The following TAFA2 variants were observed in gnomAD, a reference collection of about 807,000 sequenced individuals.
The protein encoded by TAFA2 is chemokine-like protein TAFA-2.
A neutral mutation model predicts 18.8 loss-of-function variants in TAFA2; 7 were observed. That is an observed-to-expected ratio of 0.37 (90% CI 0.21 to 0.70). The LOEUF (loss-of-function observed/expected upper bound fraction) is 0.70. Ranked by LOEUF, TAFA2 falls within the 30% of genes least tolerant of loss-of-function variation. The probability of loss-of-function intolerance (pLI) is 0.53; values close to 1 mark genes in which losing one functional copy is unlikely to be tolerated. For missense variants in TAFA2, 122 were observed against 158.1 expected, an observed-to-expected ratio of 0.77 and a Z score of 1.23; for synonymous variants, 60 against 54.2, an observed-to-expected ratio of 1.11 and a Z score of -0.47.
chr12:62,071,083 T>C (rs1407014072), intron 1 of TAFA2, among the ~76,000 whole-genome samples: 1 of 152,178 alleles, frequency 6.6e-6, no homozygotes, highest in Non-Finnish European at 1.5e-5. Context: ...CAGACACAGT[T>C]CTGAGTACTG....
chr12:61,719,247 G>A (rs1471784314), intron 4 of TAFA2, among the ~76,000 whole-genome samples: 1 of 152,126 alleles, frequency 6.6e-6, no homozygotes, highest in Non-Finnish European at 1.5e-5. Flanking sequence ...GTAAAGCTAA[G>A]GAAAGATCAC....
intron 4 of TAFA2, among the ~76,000 whole-genome samples, chr12:61,743,486 A>G (rs116159316): frequency 8.3e-4 from 126 of 152,188 alleles, no homozygotes; most frequent in African/African-American, 2.7e-3. Flanking sequence ...CCTGAGGTAA[A>G]TCTCCACAAA....
At chr12:61,979,904 T>C (rs1193707430) in intron 1 of TAFA2, among the ~76,000 whole-genome samples, 2 of 151,954 alleles carry the variant, frequency 1.3e-5, no homozygotes, top group Non-Finnish European at 2.9e-5. Flanking sequence ...ATAAGAAAAA[T>C]TAACCACCCT....
chr12:61,824,807 T>C (rs1332765038), intron 2 of TAFA2, among the ~76,000 whole-genome samples: 4 of 152,210 alleles, frequency 2.6e-5, no homozygotes, highest in Admixed American at 2.6e-4. Context: ...AAGACATGGT[T>C]ACTGCCCCAA....
At chr12:61,747,879 G>GA (rs34523019) in intron 4 of TAFA2, among the ~76,000 whole-genome samples, 81 of 145,692 alleles carry the variant, frequency 5.6e-4, no homozygotes, top group Admixed American at 1.5e-3. Context: ...TAATAAAAAA[G>GA]AAAAAAAAAA....
At chr12:62,223,773 T>G (rs2062774091) in intron 1 of TAFA2, among the ~76,000 whole-genome samples, 1 of 152,162 alleles carries the variant, frequency 6.6e-6, no homozygotes, top group South Asian at 2.1e-4. Flanking sequence ...ATAGATAAGT[T>G]GGACTTTATC....
Position 61,790,720 on chromosome 12 carries a change from C to T in TAFA2, c.107-35696G>A, listed in dbSNP as rs562447355. ...CAGATGAAAGCAACTGAGAAGTACA[C>T]GAATAATCTGATAGACATTTCTTGT... On this transcript the variant is annotated intron_variant, in intron 2 of 4. Coordinates refer to ENST00000416284, the MANE Select transcript of TAFA2 (RefSeq NM_178539.5). 3.3e-5 allele frequency among the ~76,000 whole-genome samples: 5 copies of T among 151,822 alleles called. No individual in the cohort carries two copies. The East Asian group carries it at 5.8e-4, about 18-fold the overall frequency.
Position 62,012,441 on chromosome 12 carries a change from G to A in TAFA2, c.-1-145015C>T, listed in dbSNP as rs146661727. Reference sequence around the variant, plus strand: ...AAAAAAAAAAAAAGACTGTTGATTTGTTTTAACCTCCGCAGATGCTTTGTG... The same window carrying A: ...AAAAAAAAAAAAAGACTGTTGATTTATTTTAACCTCCGCAGATGCTTTGTG... On this transcript the variant is annotated intron_variant, in intron 1 of 4. Transcript: ENST00000416284. 7.8e-3 allele frequency among the ~76,000 whole-genome samples: 1,126 copies of A among 145,132 alleles called. 10 individuals carry two copies. Among genetic ancestry groups the A allele is most frequent in the Non-Finnish European group, 0.013 (836 of 66,338 alleles).
Position 61,880,579 on chromosome 12 carries a change from C to T in TAFA2, c.-1-13153G>A, listed in dbSNP as rs192154756. The T allele has an allele frequency of 4.2e-3, 1,972 of 465,684 alleles. 11 individuals carry two copies. Among genetic ancestry groups the T allele is most frequent in the Non-Finnish European group, 6.3e-3 (1,458 of 233,224 alleles). The allele number at this position is 465,684 out of a possible 1,614,324, so 28.8% of individuals were successfully genotyped here. A position where few individuals can be genotyped will look rare whatever the true frequency, so the allele number is the denominator to read the frequency against. On this transcript the variant is annotated intron_variant, in intron 1 of 4. Coordinates refer to ENST00000416284, the MANE Select transcript of TAFA2 (RefSeq NM_178539.5). ...TCTACTCAAAGACCACCAGTGGCTA[C>T]GCAGGAGGGCTGAGCTCGGCCTATG...
chr12:61,852,829 T>C (rs1873730517), intron 2 of TAFA2, among the ~76,000 whole-genome samples: 1 of 152,116 alleles, frequency 6.6e-6, no homozygotes, highest in South Asian at 2.1e-4. Flanking sequence ...TGTAGAAAGA[T>C]ATTGTTAAAT....
chr12:62,214,993 A>G (rs1206102649), intron 1 of TAFA2, among the ~76,000 whole-genome samples: 1 of 152,184 alleles, frequency 6.6e-6, no homozygotes, highest in Non-Finnish European at 1.5e-5. Context: ...ACATCCCTGC[A>G]CCAATTCTGA....
intron 2 of TAFA2, among the ~76,000 whole-genome samples, chr12:61,801,567 T>C (rs945627328): frequency 4.6e-5 from 7 of 151,912 alleles, no homozygotes; most frequent in African/African-American, 1.7e-4. Context: ...TGCAGAAAAA[T>C]GAAACCAAAC....
intron 1 of TAFA2, among the ~76,000 whole-genome samples, chr12:62,205,034 G>A (rs1454721760): frequency 1.3e-5 from 2 of 152,184 alleles, no homozygotes; most frequent in African/African-American, 4.8e-5. Context: ...TGATGCTGTG[G>A]TTGTTGTTGT....
At chr12:62,026,328 T>C (rs911746198) in intron 1 of TAFA2, among the ~76,000 whole-genome samples, 1 of 152,096 alleles carries the variant, frequency 6.6e-6, no homozygotes, top group African/African-American at 2.4e-5. Context: ...ATAAGTTCCT[T>C]TGAGGTTTGC....
At chr12:61,737,568 G>T (rs1010217530) in intron 4 of TAFA2, among the ~76,000 whole-genome samples, 11 of 151,134 alleles carry the variant, frequency 7.3e-5, no homozygotes, top group African/African-American at 2.7e-4. Flanking sequence ...TTTATTAATT[G>T]TGTGGCCCTG....
At chr12:61,738,329 A>ACACACACACC (rs1555198029) in intron 4 of TAFA2, among the ~76,000 whole-genome samples, 3,930 of 146,784 alleles carry the variant, frequency 0.027, 79 homozygotes, top group South Asian at 0.042. Flanking sequence ...ACACACACAC[A>ACACACACACC]AACCTAGCTC....
chr12:62,208,621 T>A (rs56305824), intron 1 of TAFA2, among the ~76,000 whole-genome samples: 132,875 of 151,746 alleles, frequency 0.88, 58,274 homozygotes, highest in Middle Eastern at 0.93. Flanking sequence ...AATTCCAAAT[T>A]TATCAGGAAA....
At chr12:62,201,985 G>T (rs2062672785) in intron 1 of TAFA2, among the ~76,000 whole-genome samples, 1 of 152,064 alleles carries the variant, frequency 6.6e-6, no homozygotes, top group Non-Finnish European at 1.5e-5. Flanking sequence ...TATGTGTCCA[G>T]GAATTTATTT....
At chr12:62,237,519 T>C (rs895162211) in intron 1 of TAFA2, among the ~76,000 whole-genome samples, 4 of 152,228 alleles carry the variant, frequency 2.6e-5, no homozygotes, top group African/African-American at 9.6e-5. Context: ...ACTATTACCA[T>C]GTCATTAGAA....
Sources: allele counts gnomAD v4.1 joint callset (sites outside exome capture counted in the v4.1 genomes callset), GRCh38; gene constraint gnomAD v4.1.1; transcripts MANE v1.5; gene names NCBI Gene and HGNC (gene_info 2026-07-23, HGNC 2026-07-21).